TUSC3: variants seen among roughly 807,000 people sequenced by gnomAD.
TUSC3 encodes tumor suppressor candidate 3, also known as dolichyl-diphosphooligosaccharide--protein glycosyltransferase subunit TUSC3.
Under a neutral mutation model 44.8 loss-of-function variants are expected in TUSC3, and 45 were observed. The observed-to-expected ratio is 1.00, with a 90% CI of 0.79 to 1.29. The LOEUF is 1.29. TUSC3 is among the 50% of genes most tolerant of loss of function. The probability of loss-of-function intolerance (pLI) is 0.00; values close to 1 mark genes in which losing one functional copy is unlikely to be tolerated. For synonymous variants in TUSC3, 212 were observed against 152.9 expected (o/e 1.39, Z -2.85); for missense variants, 519 against 437.9 (o/e 1.19, Z -1.65).
intron 1 of TUSC3, among the ~76,000 whole-genome samples, chr8:15,588,681 A>C (rs557195630): frequency 2.0e-5 from 3 of 152,058 alleles, no homozygotes; most frequent in Non-Finnish European, 4.4e-5. Flanking sequence ...GTAGTTTTAT[A>C]GTTTTGGGTC....
At chr8:15,830,970 C>A in the TUSC3 span, among the ~76,000 whole-genome samples, 1 of 149,962 alleles carries the variant, frequency 6.7e-6, no homozygotes. Context: ...GTCACTGCCA[C>A]CACTGCTGGC....
At chr8:15,696,298 G>C (rs1809162408) in intron 6 of TUSC3, among the ~76,000 whole-genome samples, 2 of 152,162 alleles carry the variant, frequency 1.3e-5, no homozygotes, top group South Asian at 4.1e-4. Context: ...TGGATTCCGA[G>C]GGCACAAGCT....
chr8:15,802,514 C>G, the TUSC3 span, among the ~76,000 whole-genome samples: 1 of 152,092 alleles, frequency 6.6e-6, no homozygotes, highest in Non-Finnish European at 1.5e-5. Context: ...CTCTGCCTCC[C>G]GGGTTCAAGT....
At chr8:15,453,469 T>C (rs907249261) in intron 1 of TUSC3, among the ~76,000 whole-genome samples, 2 of 152,188 alleles carry the variant, frequency 1.3e-5, no homozygotes, top group Non-Finnish European at 2.9e-5. Flanking sequence ...GATTTCTCTA[T>C]CAGGCTTTTG....
intron 1 of TUSC3, among the ~76,000 whole-genome samples, chr8:15,463,347 C>T (rs1015357584): frequency 2.6e-5 from 4 of 152,058 alleles, no homozygotes; most frequent in African/African-American, 9.7e-5. Context: ...AAATTAAAAT[C>T]AGAGGAATTT....
the TUSC3 span, among the ~76,000 whole-genome samples, chr8:15,784,492 A>ATGTGTATG: frequency 2.1e-5 from 3 of 141,602 alleles, no homozygotes; most frequent in African/African-American, 8.2e-5. Context: ...GAAAAATGTT[A>ATGTGTATG]TGTGTATGTG....
At chr8:15,636,956 A>G (rs1456354945) in intron 2 of TUSC3, among the ~76,000 whole-genome samples, 1 of 152,034 alleles carries the variant, frequency 6.6e-6, no homozygotes, top group East Asian at 1.9e-4. Flanking sequence ...CTTACTTTGA[A>G]TGTGATTTGT....
At position 15,436,522 on chromosome 8, in the gene TUSC3, G is replaced by A. The variant is rs115858025; in HGVS notation, n.91+19217G>A. 2.1e-3 allele frequency among the ~76,000 whole-genome samples: 319 copies of A among 152,224 alleles called. 3 individuals are homozygous for A. Among genetic ancestry groups the A allele is most frequent in the African/African-American group, 7.4e-3 (306 of 41,548 alleles). On this transcript the variant is annotated intron_variant and non_coding_transcript_variant, in intron 1 of 5. Coordinates refer to the TUSC3 transcript ENST00000503191. ...AGTTTGTACTTTTTCATTTTATGCC[G>A]AAGAAATAGAGGTTAAGAACAACTA...
the TUSC3 span, among the ~76,000 whole-genome samples, chr8:15,774,153 C>T: frequency 1.3e-5 from 2 of 152,008 alleles, no homozygotes; most frequent in Non-Finnish European, 2.9e-5. Flanking sequence ...GACCTAGTAT[C>T]CAAAATATAT....
intron 1 of TUSC3, among the ~76,000 whole-genome samples, chr8:15,542,457 G>C (rs1372454214): frequency 6.6e-6 from 1 of 152,022 alleles, no homozygotes; most frequent in African/African-American, 2.4e-5. Context: ...GTCGCCTGAA[G>C]TGGTTTTTCA....
At chr8:15,808,884 T>A in the TUSC3 span, among the ~76,000 whole-genome samples, 2 of 152,090 alleles carry the variant, frequency 1.3e-5, no homozygotes, top group Admixed American at 1.3e-4. Flanking sequence ...ATAACATGTA[T>A]TTATAGAGTA....
At chr8:15,827,600 T>C in the TUSC3 span, among the ~76,000 whole-genome samples, 1 of 152,204 alleles carries the variant, frequency 6.6e-6, no homozygotes, top group Non-Finnish European at 1.5e-5. Flanking sequence ...AAATTGTTTC[T>C]AAGGACTCAT....
At chr8:15,516,487 G>A (rs927633728) in intron 2 of TUSC3, among the ~76,000 whole-genome samples, 7 of 152,250 alleles carry the variant, frequency 4.6e-5, no homozygotes, top group East Asian at 3.9e-4. Context: ...GCTATGGCAG[G>A]TGATATTTTT....
At chr8:15,534,577 A>C (rs1192429641) in intron 2 of TUSC3, among the ~76,000 whole-genome samples, 2 of 149,072 alleles carry the variant, frequency 1.3e-5, no homozygotes, top group African/African-American at 2.5e-5. Flanking sequence ...TGGGAGGCGG[A>C]GCTTGCCAGT....
intron 1 of TUSC3, among the ~76,000 whole-genome samples, chr8:15,602,013 C>T (rs556809905): frequency 6.6e-6 from 1 of 151,412 alleles, no homozygotes; most frequent in Non-Finnish European, 1.5e-5. Context: ...TCTAAAAATA[C>T]GATGTCTACC....
chr8:15,431,689 A>C (rs1274139502), intron 1 of TUSC3, among the ~76,000 whole-genome samples: 1 of 151,526 alleles, frequency 6.6e-6, no homozygotes, highest in Non-Finnish European at 1.5e-5. Flanking sequence ...TCTGGCAAGG[A>C]CTTCCAGTAT....
chr8:15,691,508 C>T (rs1808900124), intron 6 of TUSC3, among the ~76,000 whole-genome samples: 1 of 152,104 alleles, frequency 6.6e-6, no homozygotes, highest in Non-Finnish European at 1.5e-5. Flanking sequence ...ATTTCATTCT[C>T]TTGCTGGATT....
In TUSC3 at chr8:15,446,051, G is replaced by A. The variant is rs1158028596; in HGVS notation, n.91+28746G>A. On this transcript the variant is annotated intron_variant and non_coding_transcript_variant, in intron 1 of 5. Coordinates refer to the TUSC3 transcript ENST00000503191. ...CGGAGGGGCTCCTCACTTCTCAGAA[G>A]GGGTGGTGGGGCAGAGACGCTCCTC... Among the ~76,000 whole-genome samples, 3 of 151,420 alleles carry A rather than the reference G, an allele frequency of 2.0e-5. No homozygotes were observed. In the East Asian group the frequency reaches 6.0e-4, roughly 30 times the overall value.
intron 6 of TUSC3, among the ~76,000 whole-genome samples, chr8:15,727,756 C>G (rs1036907820): frequency 2.0e-5 from 3 of 152,132 alleles, no homozygotes; most frequent in African/African-American, 7.2e-5. Context: ...ATCAAGTGAA[C>G]AAGATACAAA....
Sources: allele counts gnomAD v4.1 joint callset (sites outside exome capture counted in the v4.1 genomes callset), GRCh38; gene constraint gnomAD v4.1.1; transcripts MANE v1.5; gene names NCBI Gene and HGNC (gene_info 2026-07-23, HGNC 2026-07-21).